Variants in GOLGB1 observed in about 807,000 individuals in gnomAD.
The protein encoded by GOLGB1 is golgin subfamily B member 1.
In GOLGB1, 174 loss-of-function variants were observed where a neutral mutation model predicts 336.9. The observed-to-expected ratio is 0.52, with a 90% CI of 0.46 to 0.59. The LOEUF (loss-of-function observed/expected upper bound fraction) is 0.59, where lower values mean the gene tolerates loss of function less well. GOLGB1 is among the 20% of genes least tolerant of loss of function. GOLGB1 has a pLI of 0.00. For synonymous variants in GOLGB1, 1,208 were observed against 1,289.2 expected (o/e 0.94, Z 1.35); for missense variants, 3,331 against 3,645.3 (o/e 0.91, Z 2.22).
rs770240812 is a variant in GOLGB1 at position 121,691,932 on chromosome 3, G to C, written c.7432C>G (p.Arg2478Gly). The change falls in exon 14 of 22, where the codon CGA (arginine) becomes GGA (glycine). Residue 2478 changes from arginine to glycine, a missense_variant. Coordinates refer to ENST00000614479, the MANE Select transcript of GOLGB1 (RefSeq NM_001366282.2). ...TGATAGTCACCCACTATGCGGTCTC[G>C]ATCATTTTGGAGAGAAGACATGGAT... ...VKSMSSLQND[R>G]DRIVGDYQQL... 12 of 1,614,132 alleles carry C rather than the reference G, an allele frequency of 7.4e-6. No individual in the cohort carries two copies. The highest frequency in any genetic ancestry group is 9.3e-6 in the Non-Finnish European group (11 of 1,180,004).
intron 14 of GOLGB1, among the ~76,000 whole-genome samples, chr3:121,686,668 C>T (rs893770012): frequency 6.0e-5 from 9 of 150,540 alleles, no homozygotes; most frequent in South Asian, 2.1e-4. Flanking sequence ...AACATATACA[C>T]ACACACACAC....
chr3:121,671,899 G>A (rs1046487206), intron 17 of GOLGB1, among the ~76,000 whole-genome samples: 2 of 149,378 alleles, frequency 1.3e-5, no homozygotes, highest in Admixed American at 6.7e-5. Context: ...TGTGATATTT[G>A]TCTTTCTGTT....
intron 10 of GOLGB1, among the ~76,000 whole-genome samples, chr3:121,711,872 T>C (rs1328917139): frequency 6.6e-6 from 1 of 152,198 alleles, no homozygotes; most frequent in Non-Finnish European, 1.5e-5. Context: ...AAAAGTACAG[T>C]AGTGTTGTCA....
intron 4 of GOLGB1, among the ~76,000 whole-genome samples, chr3:121,727,391 G>A (rs75230399): frequency 0.013 from 1,559 of 116,504 alleles, 12 homozygotes; most frequent in Middle Eastern, 0.042. Flanking sequence ...GGACAATATA[G>A]AAAACAGCTA....
intron 17 of GOLGB1, among the ~76,000 whole-genome samples, chr3:121,676,673 AT>A (rs1326336093): frequency 1.3e-5 from 2 of 152,140 alleles, no homozygotes; most frequent in Admixed American, 6.5e-5. Context: ...TACTGTCTGG[AT>A]TTATCCAATC....
At chr3:121,702,138 G>A (rs930079684) in intron 11 of GOLGB1, among the ~76,000 whole-genome samples, 1 of 152,016 alleles carries the variant, frequency 6.6e-6, no homozygotes, top group Non-Finnish European at 1.5e-5. Flanking sequence ...TTACCAGAAT[G>A]TCCTTTCTTT....
chr3:121,682,557 C>T (rs1941201329), intron 14 of GOLGB1, among the ~76,000 whole-genome samples: 1 of 152,124 alleles, frequency 6.6e-6, no homozygotes, highest in Non-Finnish European at 1.5e-5. Flanking sequence ...GTGATGATGA[C>T]AGACTTGCCT....
In GOLGB1 at chr3:121,714,076, G is replaced by A. The variant is rs75902469; in HGVS notation, c.1404+785C>T. On this transcript the variant is annotated intron_variant, in intron 10 of 21. Transcript: ENST00000614479. ...TAACAAAACATTGGAGGAAAAAGTC[G>A]AGAATGGGAGAACAGAAGAGACTGG... 7.7e-3 allele frequency among the ~76,000 whole-genome samples: 1,169 copies of A among 152,282 alleles called. 12 individuals are homozygous for A. Among genetic ancestry groups the A allele is most frequent in the African/African-American group, 0.026 (1,091 of 41,546 alleles).
At position 121,692,141 on chromosome 3, in the gene GOLGB1, C is replaced by T. The variant is rs767764931; in HGVS notation, c.7223G>A (p.Arg2408His). 36 of 1,611,758 alleles carry T rather than the reference C, an allele frequency of 2.2e-5. No homozygotes were observed. Among genetic ancestry groups the T allele is most frequent in the Admixed American group, 1.3e-4 (8 of 59,774 alleles). ...EAIQVAIAELRQQHDKEIKEL... is the reference protein window; with the variant it reads ...EAIQVAIAELHQQHDKEIKEL... The stretch of plus-strand genomic sequence containing the variant: ...TTTAATTTCTTTATCATGTTGCTGA[C>T]GCAGTTCAGCAATAGCTACTTGGAT... Residue 2408 changes from arginine (R) to histidine (H), a missense_variant, in exon 14 of 22, where the codon CGT (arginine) becomes CAT (histidine). Physicochemically the swap from Arg to His is conservative, Grantham distance 29 (BLOSUM62 0). Coordinates refer to ENST00000614479, the MANE Select transcript of GOLGB1 (RefSeq NM_001366282.2).
Position 121,695,371 on chromosome 3 carries a change from A to G in GOLGB1, c.5152T>C (p.Cys1718Arg). The stretch of plus-strand genomic sequence containing the variant: ...TTGGAAGAAAGAAGTGTTTCCATAC[A>G]CTCTTTAGCTGTATCTCCTGCAGGG... The part of the protein sequence containing the change: ...VHPAGDTAKE[C>R]METLLSSNAS... The change falls in exon 13 of 22, where the codon TGT becomes CGT. Residue 1718 changes from cysteine to arginine, a missense_variant. By Grantham distance (180) the Cys-to-Arg change is radical (BLOSUM62 -3). Coordinates refer to ENST00000614479, the MANE Select transcript of GOLGB1 (RefSeq NM_001366282.2). The G allele has an allele frequency of 6.2e-7, 1 of 1,611,124 alleles. No homozygotes were observed. Among genetic ancestry groups the G allele is most frequent in the Non-Finnish European group, 8.5e-7 (1 of 1,178,962 alleles).
chr3:121,729,214 G>A lies in GOLGB1; in HGVS notation c.376C>T (p.Pro126Ser). 4 of 1,610,468 alleles carry A rather than the reference G, an allele frequency of 2.5e-6. No homozygotes were observed. The highest frequency in any genetic ancestry group is 3.4e-6 in the Non-Finnish European group (4 of 1,178,508). Reference sequence around the variant, plus strand: ...TTGGAAAGTTGCTCCTCTGACTGAGGTTCTGTAGGCAGAACAGTCCCTCCT... The same window carrying A: ...TTGGAAAGTTGCTCCTCTGACTGAGATTCTGTAGGCAGAACAGTCCCTCCT... The part of the protein sequence containing the change: ...AQGGTVLPTE[P>S]QSEEQLSKHD... Residue 126 changes from proline to serine, a missense_variant, in exon 4 of 22, where the codon CCT (proline) becomes TCT (serine). Pro to Ser is a moderately conservative substitution (Grantham distance 74, BLOSUM62 -1). Transcript: ENST00000614479.
chr3:121,698,166 C>T lies in GOLGB1; in HGVS notation c.2357G>A (p.Arg786Lys). Residue 786 changes from arginine to lysine, a missense_variant, in exon 13 of 22, where the codon AGA becomes AAA. Physicochemically the swap from Arg to Lys is conservative, Grantham distance 26. Transcript: ENST00000614479. ...GGCAGTTTGGCTTTCATAATCAAGT[C>T]TTCTTTGCCTTTCTGCTTCTGCAAG... ...MNLAEAERQR[R>K]LDYESQTAHD... 6.2e-7 allele frequency: 1 copy of T among 1,613,742 alleles called. No individual in the cohort carries two copies. The highest frequency in any genetic ancestry group is 2.2e-5 in the East Asian group (1 of 44,884).
intron 5 of GOLGB1, among the ~76,000 whole-genome samples, chr3:121,724,612 T>C (rs778973576): frequency 1.3e-5 from 2 of 148,844 alleles, no homozygotes; most frequent in Non-Finnish European, 3.0e-5. Flanking sequence ...TGGTAAAGAA[T>C]GGAGAAGATT....
At position 121,697,846 on chromosome 3, in the gene GOLGB1, C is replaced by A; in HGVS notation, c.2677G>T (p.Asp893Tyr). ...MDQLLLEKKR[D>Y]VETLQQTIEE... Reference sequence around the variant, plus strand: ...ATGGTTTGTTGGAGGGTTTCCACATCTCTCTTTTTCTCTAGTAAGAGCTGA... The same window carrying A: ...ATGGTTTGTTGGAGGGTTTCCACATATCTCTTTTTCTCTAGTAAGAGCTGA... Residue 893 changes from aspartate to tyrosine, a missense_variant, in exon 13 of 22, where the codon GAT (aspartate) becomes TAT (tyrosine). Asp to Tyr is a radical substitution (Grantham distance 160, BLOSUM62 -3). Transcript: ENST00000614479. 1 of 1,614,102 alleles carries A rather than the reference C, an allele frequency of 6.2e-7. No homozygotes were observed. The highest frequency in any genetic ancestry group is 8.5e-7 in the Non-Finnish European group (1 of 1,179,950).
chr3:121,696,720 A>G lies in GOLGB1; in HGVS notation c.3803T>C (p.Leu1268Ser). The change falls in exon 13 of 22, where the codon TTA becomes TCA. Residue 1268 changes from leucine to serine, a missense_variant. Transcript: ENST00000614479. The part of the protein sequence containing the change: ...QQESCSSTPG[L>S]EEPLFKATEQ... ...TGTGGCTTTGAATAAAGGTTCTTCT[A>G]AACCTGGAGTGGAAGAACACGATTC... 6.2e-7 allele frequency: 1 copy of G among 1,614,092 alleles called. No individual in the cohort carries two copies. The highest frequency in any genetic ancestry group is 8.5e-7 in the Non-Finnish European group (1 of 1,179,974).
chr3:121,676,859 G>A, intron 17 of GOLGB1, 34 bp downstream of exon 17: 2 of 1,600,888 alleles, frequency 1.2e-6, no homozygotes, highest in South Asian at 1.1e-5. Flanking sequence ...ATGGAAAAAA[G>A]AAACTGAATT....
intron 10 of GOLGB1, among the ~76,000 whole-genome samples, chr3:121,705,264 T>A (rs887665629): frequency 3.9e-5 from 6 of 152,132 alleles, no homozygotes; most frequent in African/African-American, 1.4e-4. Flanking sequence ...TTATACTTCC[T>A]AGAATAACCA....
In GOLGB1 at chr3:121,704,213, G is replaced by A. The variant is rs117138377; in HGVS notation, c.1405-1618C>T. ...GTGTAATTGGAGTACCAGAAGAGAC[G>A]AGGGACAGAATGGGAAGAAAAAATA... On this transcript the variant is annotated intron_variant, in intron 10 of 21. Coordinates refer to ENST00000614479, the MANE Select transcript of GOLGB1 (RefSeq NM_001366282.2). 6.0e-4 allele frequency among the ~76,000 whole-genome samples: 92 copies of A among 152,098 alleles called. 1 individual carries two copies. The East Asian group carries it at 0.013, about 21-fold the overall frequency.
At chr3:121,747,364 T>C (rs1208587347) in intron 1 of GOLGB1, among the ~76,000 whole-genome samples, 1 of 145,810 alleles carries the variant, frequency 6.9e-6, no homozygotes, top group African/African-American at 2.5e-5. Context: ...TATACGTATA[T>C]ATACGTATAT....
Sources: allele counts gnomAD v4.1 joint callset (sites outside exome capture counted in the v4.1 genomes callset), GRCh38; gene constraint gnomAD v4.1.1; transcripts MANE v1.5; gene names NCBI Gene and HGNC (gene_info 2026-07-23, HGNC 2026-07-21).